The following PARVA variants were observed in gnomAD, a reference collection of about 807,000 sequenced individuals.
PARVA encodes the protein alpha-parvin.
In PARVA, 25 loss-of-function variants were observed where a neutral mutation model predicts 52.6. That is an observed-to-expected ratio of 0.48 (90% confidence interval 0.35 to 0.66). The LOEUF (loss-of-function observed/expected upper bound fraction) is 0.66. Among genes scored for constraint, PARVA ranks in the 30% least tolerant of loss-of-function variants. The probability of loss-of-function intolerance (pLI) is 0.01; values close to 1 mark genes in which losing one functional copy is unlikely to be tolerated. For missense variants in PARVA, 373 were observed against 450.9 expected (o/e 0.83, Z 1.56); for synonymous variants, 185 against 179.1 (o/e 1.03, Z -0.26).
intron 1 of PARVA, among the ~76,000 whole-genome samples, chr11:12,388,496 T>A (rs567118751): frequency 6.6e-6 from 1 of 152,280 alleles, no homozygotes; most frequent in African/African-American, 2.4e-5. Flanking sequence ...CACACTCTCT[T>A]GGGGGAAAGA....
intron 1 of PARVA, among the ~76,000 whole-genome samples, chr11:12,384,312 C>G (rs1939540072): frequency 6.6e-6 from 1 of 152,180 alleles, no homozygotes; most frequent in Non-Finnish European, 1.5e-5. Flanking sequence ...TTCTTATCTC[C>G]CAGTCACTTT....
chr11:12,430,686 A>T (rs1483618261), intron 1 of PARVA, among the ~76,000 whole-genome samples: 1 of 152,148 alleles, frequency 6.6e-6, no homozygotes. Context: ...ATTTTCCCTT[A>T]TATCTTAAAA....
chr11:12,530,475 A>AT lies in PARVA; in HGVS notation c.*2555dup, dbSNP rs553794364. The AT allele has an allele frequency of 2.4e-4, 37 of 152,328 alleles. No individual in the cohort carries two copies. The highest frequency in any genetic ancestry group is 8.7e-4 in the African/African-American group (36 of 41,584). 9.4% of individuals were successfully genotyped at this position (152,328 alleles called of 1,614,324 possible). Reference sequence around the variant, plus strand: ...CTTTTCTGTTAATTTAAACTCAGTTATTTTTAATGCTTAATACATACATGG... The same window carrying AT: ...CTTTTCTGTTAATTTAAACTCAGTTATTTTTTAATGCTTAATACATACATGG... On this transcript the variant is annotated 3_prime_UTR_variant, in exon 13 of 13. Coordinates refer to ENST00000334956, the MANE Select transcript of PARVA (RefSeq NM_018222.5).
At chr11:12,384,383 A>G (rs1285073301) in intron 1 of PARVA, among the ~76,000 whole-genome samples, 2 of 152,182 alleles carry the variant, frequency 1.3e-5, no homozygotes, top group Non-Finnish European at 2.9e-5. Context: ...CGTACCATGC[A>G]CTGTACTAGG....
intron 1 of PARVA, among the ~76,000 whole-genome samples, chr11:12,388,687 T>G (rs1356246217): frequency 3.9e-5 from 6 of 152,120 alleles, no homozygotes; most frequent in Non-Finnish European, 5.9e-5. Context: ...TTCTTCTTTA[T>G]TATAATTTTT....
intron 1 of PARVA, chr11:12,398,430 A>G (rs907236117): frequency 6.6e-6 from 1 of 150,996 alleles, no homozygotes; most frequent in Admixed American, 6.6e-5. Flanking sequence ...GACCCTGGCT[A>G]TTGTAAGAGC....
At chr11:12,477,773 G>C (rs1326162148) in intron 3 of PARVA, 74 bp from the exon 4 acceptor site, 9 of 802,682 alleles carry the variant, frequency 1.1e-5, no homozygotes, top group Non-Finnish European at 2.0e-5. Context: ...TTTAGGATAA[G>C]AAAGCTGGTC....
intron 1 of PARVA, among the ~76,000 whole-genome samples, chr11:12,459,252 A>G (rs1940741035): frequency 2.0e-5 from 3 of 151,764 alleles, no homozygotes; most frequent in African/African-American, 4.9e-5. Context: ...AAAAAATACA[A>G]AAATTAGCTG....
chr11:12,517,746 C>G (rs1200881326), intron 11 of PARVA, 35 bp downstream of exon 11: 1 of 1,424,352 alleles, frequency 7.0e-7, no homozygotes, highest in African/African-American at 1.4e-5. Context: ...GGCCCCCTAG[C>G]CCACATCCCC....
rs920973956 is a variant in PARVA at position 12,533,193 on chromosome 11, A to G, written c.*5268A>G. ...CTGAGAAGAGCTAGGGGAACTGGACAGAGTGGACGAGGCTGCATGTGTGGA... is the reference window on the plus strand; with the variant it reads ...CTGAGAAGAGCTAGGGGAACTGGACGGAGTGGACGAGGCTGCATGTGTGGA... On this transcript the variant is annotated 3_prime_UTR_variant, in exon 13 of 13. Transcript: ENST00000334956. 1.3e-5 allele frequency among the ~76,000 whole-genome samples: 2 copies of G among 152,202 alleles called. No individual in the cohort carries two copies. Among genetic ancestry groups the G allele is most frequent in the African/African-American group, 2.4e-5 (1 of 41,452 alleles).
chr11:12,409,050 A>G (rs935614865), intron 1 of PARVA, among the ~76,000 whole-genome samples: 5 of 152,222 alleles, frequency 3.3e-5, no homozygotes, highest in African/African-American at 1.2e-4. Context: ...TGTTGGGCCA[A>G]AGGTAGGTCC....
chr11:12,443,846 C>CT (rs1940505766), intron 1 of PARVA, among the ~76,000 whole-genome samples: 1 of 152,198 alleles, frequency 6.6e-6, no homozygotes, highest in Admixed American at 6.5e-5. Context: ...TCTCCTCTAC[C>CT]TTCAAGTTCT....
intron 6 of PARVA, among the ~76,000 whole-genome samples, chr11:12,507,304 A>G (rs559895780): frequency 1.3e-5 from 2 of 152,272 alleles, no homozygotes; most frequent in South Asian, 2.1e-4. Context: ...TGCTTGGTCA[A>G]TCGCTTGCTA....
At chr11:12,475,183 C>T (rs899778759) in intron 3 of PARVA, among the ~76,000 whole-genome samples, 23 of 152,016 alleles carry the variant, frequency 1.5e-4, no homozygotes, top group Admixed American at 2.0e-4. Flanking sequence ...GCAGCCGATG[C>T]GTGCTCCCAG....
chr11:12,482,075 G>C (rs1477350352), intron 4 of PARVA, among the ~76,000 whole-genome samples: 3 of 150,018 alleles, frequency 2.0e-5, no homozygotes, highest in Admixed American at 1.3e-4. Flanking sequence ...AGAATCACTT[G>C]AACCCAGGAG....
At chr11:12,446,173 G>A (rs1413928853) in intron 1 of PARVA, among the ~76,000 whole-genome samples, 1 of 152,134 alleles carries the variant, frequency 6.6e-6, no homozygotes, top group Non-Finnish European at 1.5e-5. Flanking sequence ...CACTTCGAGG[G>A]AGTTTTAGAA....
At chr11:12,381,900 G>A (rs1425399267) in intron 1 of PARVA, among the ~76,000 whole-genome samples, 2 of 152,150 alleles carry the variant, frequency 1.3e-5, no homozygotes, top group East Asian at 1.9e-4. Context: ...ATACTTGGGA[G>A]TACTTCCAGC....
intron 12 of PARVA, among the ~76,000 whole-genome samples, chr11:12,523,123 AAAAGTTTTT>A (rs1941659373): frequency 6.6e-6 from 1 of 152,214 alleles, no homozygotes; most frequent in Non-Finnish European, 1.5e-5. Flanking sequence ...TTAATGACTT[AAAAGTTTTT>A]AAAAATAAAT....
intron 1 of PARVA, among the ~76,000 whole-genome samples, chr11:12,399,055 C>G (rs1437674536): frequency 6.6e-6 from 1 of 152,086 alleles, no homozygotes; most frequent in African/African-American, 2.4e-5. Context: ...AGCAACTAGC[C>G]CATAGTTAGT....
Sources: allele counts gnomAD v4.1 joint callset (sites outside exome capture counted in the v4.1 genomes callset), GRCh38; gene constraint gnomAD v4.1.1; transcripts MANE v1.5; gene names NCBI Gene and HGNC (gene_info 2026-07-23, HGNC 2026-07-21).